Variants in TXLNG observed in about 807,000 individuals in gnomAD.
The protein encoded by TXLNG is gamma-taxilin.
TXLNG carries 5 observed loss-of-function variants against 38.8 expected under a neutral mutation model. The ratio of observed to expected loss-of-function variants is 0.13; its 90% CI spans 0.07 to 0.27. The LOEUF (loss-of-function observed/expected upper bound fraction) is 0.27, where lower values mean the gene tolerates loss of function less well. Among genes scored for constraint, TXLNG ranks in the 10% least tolerant of loss-of-function variants. The pLI is 1.00. For synonymous variants in TXLNG, 182 were observed against 158.2 expected (o/e 1.15, Z -1.13); for missense variants, 393 against 398.2 (o/e 0.99, Z 0.11).
chrX:16,793,974 A>G (rs190180569), intron 1 of TXLNG, among the ~76,000 whole-genome samples: 1 of 112,063 alleles, frequency 8.9e-6, no homozygotes, highest in Non-Finnish European at 1.9e-5. Context: ...TTCAAATATT[A>G]TAACAGTTCT....
At chrX:16,815,251 C>T (rs753053037) in intron 1 of TXLNG, among the ~76,000 whole-genome samples, 1 of 111,325 alleles carries the variant, frequency 9.0e-6, no homozygotes, top group South Asian at 3.8e-4. Context: ...TCTAGGCTCA[C>T]GGCAACCTCC....
intron 1 of TXLNG, among the ~76,000 whole-genome samples, chrX:16,792,248 A>G (rs1015156417): frequency 1.8e-5 from 2 of 111,995 alleles, no homozygotes; most frequent in Non-Finnish European, 3.8e-5. Flanking sequence ...TGCTTGAATA[A>G]TAGAGCCCAC....
chrX:16,804,662 A>C (rs1381838900), intron 1 of TXLNG, among the ~76,000 whole-genome samples: 3 of 110,700 alleles, frequency 2.7e-5, no homozygotes, highest in East Asian at 5.6e-4. Context: ...CTGCCTGTTC[A>C]CAAACCCTTG....
intron 3 of TXLNG, among the ~76,000 whole-genome samples, chrX:16,824,149 T>C (rs1012891648): frequency 2.5e-4 from 28 of 112,017 alleles, no homozygotes; most frequent in Non-Finnish European, 5.6e-5. Context: ...GCAGGATTGC[T>C]TACAATCAGG....
Position 16,788,667 on chromosome X carries a change from G to GT in TXLNG, c.102+2096dup, listed in dbSNP as rs10668899. ...TTAAAAAAACAAACAAACTTGTTGT[G>GT]TTTTTTTTTTTTTTTTTTGAGTCAG... is the stretch of plus-strand genomic sequence containing the variant. On this transcript the variant is annotated intron_variant, in intron 1 of 9. Coordinates refer to ENST00000380122, the MANE Select transcript of TXLNG (RefSeq NM_018360.3). Among the ~76,000 whole-genome samples the GT allele has an allele frequency of 9.7e-3, 780 of 80,286 alleles. 14 individuals are homozygous for GT. The highest frequency in any genetic ancestry group is 0.012 in the Non-Finnish European group (492 of 42,540). 69.7% of individuals were successfully genotyped at this position (80,286 alleles called of 115,157 possible).
At chrX:16,787,491 C>T (rs1927538614) in intron 1 of TXLNG, among the ~76,000 whole-genome samples, 1 of 111,539 alleles carries the variant, frequency 9.0e-6, no homozygotes, top group South Asian at 3.8e-4. Flanking sequence ...CGGACTGTTC[C>T]CCTTGCCTTA....
chrX:16,814,539 C>T (rs1022310524), intron 1 of TXLNG, among the ~76,000 whole-genome samples: 4 of 111,869 alleles, frequency 3.6e-5, no homozygotes, highest in Admixed American at 2.8e-4. Flanking sequence ...CGCTTGAACC[C>T]GGGAGGCGGA....
intron 3 of TXLNG, among the ~76,000 whole-genome samples, chrX:16,825,677 G>T (rs917721853): frequency 3.0e-4 from 34 of 112,297 alleles, no homozygotes; most frequent in Non-Finnish European, 5.3e-4. Context: ...TGTGTGCTGT[G>T]TTTTTAAAAA....
At position 16,828,327 on chromosome X, in the gene TXLNG, G is replaced by A. The variant is rs1318676421; in HGVS notation, c.669+63G>A. ...CTTATCTGATTTCATAATCAACCCT[G>A]TGCCTATCTGAAATAAATCCTTGTC... On this transcript the variant is annotated intron_variant, in intron 4 of 9. Coordinates refer to ENST00000380122, the MANE Select transcript of TXLNG (RefSeq NM_018360.3). 5 of 1,041,519 alleles carry A rather than the reference G, an allele frequency of 4.8e-6. No individual in the cohort carries two copies. The African/African-American group carries it at 9.4e-5, about 20-fold the overall frequency. The allele number at this position is 1,041,519 out of a possible 1,213,427, so 85.8% of individuals were successfully genotyped here.
chrX:16,809,345 G>GTTTTTTTTT (rs56062713), intron 1 of TXLNG, among the ~76,000 whole-genome samples: 1 of 74,446 alleles, frequency 1.3e-5, no homozygotes, highest in Non-Finnish European at 2.5e-5. Flanking sequence ...TCTTATAGTT[G>GTTTTTTTTT]TTTTTTTTTT....
chrX:16,791,127 A>G (rs1259088297), intron 1 of TXLNG, among the ~76,000 whole-genome samples: 1 of 111,887 alleles, frequency 8.9e-6, no homozygotes, highest in Non-Finnish European at 1.9e-5. Context: ...TTTGGAGGGG[A>G]GGACATATGG....
intron 1 of TXLNG, among the ~76,000 whole-genome samples, chrX:16,789,919 C>T (rs1299555213): frequency 1.8e-5 from 2 of 109,676 alleles, no homozygotes; most frequent in Non-Finnish European, 3.8e-5. Context: ...CTCAGCCTCC[C>T]AAGTAGCTGG....
At chrX:16,798,449 G>A (rs1313823772) in intron 1 of TXLNG, among the ~76,000 whole-genome samples, 3 of 111,770 alleles carry the variant, frequency 2.7e-5, no homozygotes, top group African/African-American at 9.7e-5. Context: ...AAATACCCAG[G>A]TCTGAACAAA....
intron 1 of TXLNG, among the ~76,000 whole-genome samples, chrX:16,788,446 TCTAA>T (rs1209952408): frequency 5.4e-5 from 6 of 111,859 alleles, no homozygotes; most frequent in South Asian, 7.4e-4. Flanking sequence ...CTTTTTGATT[TCTAA>T]CTGACAGTGA....
chrX:16,798,047 T>C (rs1244799165), intron 1 of TXLNG, among the ~76,000 whole-genome samples: 2 of 112,162 alleles, frequency 1.8e-5, no homozygotes, highest in Non-Finnish European at 3.8e-5. Flanking sequence ...GGGAGGAGTA[T>C]TGTAATAGTC....
chrX:16,790,556 AT>A (rs1272545691), intron 1 of TXLNG, among the ~76,000 whole-genome samples: 1 of 110,456 alleles, frequency 9.1e-6, no homozygotes, highest in East Asian at 2.8e-4. Flanking sequence ...TAAGGTTGGT[AT>A]TTTTTTTCTT....
At chrX:16,793,094 G>A (rs1439941027) in intron 1 of TXLNG, among the ~76,000 whole-genome samples, 5 of 104,494 alleles carry the variant, frequency 4.8e-5, no homozygotes, top group Non-Finnish European at 7.8e-5. Context: ...GGGAGACTCC[G>A]TGTCAAAAAA....
chrX:16,822,182 CAAA>C (rs753707371), intron 3 of TXLNG, among the ~76,000 whole-genome samples: 1 of 102,063 alleles, frequency 9.8e-6, no homozygotes, highest in Admixed American at 1.1e-4. Context: ...ACTAAAAATA[CAAA>C]AAAAAATTAG....
intron 1 of TXLNG, among the ~76,000 whole-genome samples, chrX:16,806,028 G>A (rs1315898766): frequency 1.8e-5 from 2 of 112,494 alleles, no homozygotes; most frequent in African/African-American, 6.4e-5. Context: ...GATTGATAAA[G>A]CATTAGCTGT....
Sources: allele counts gnomAD v4.1 joint callset (sites outside exome capture counted in the v4.1 genomes callset), GRCh38; gene constraint gnomAD v4.1.1; transcripts MANE v1.5; gene names NCBI Gene and HGNC (gene_info 2026-07-23, HGNC 2026-07-21).